MATN2: variants seen among roughly 807,000 people sequenced by gnomAD.
MATN2 encodes matrilin 2.
Under a neutral mutation model 103.2 loss-of-function variants are expected in MATN2, and 69 were observed. The observed-to-expected ratio is 0.67, with a 90% CI of 0.55 to 0.82. MATN2 has a LOEUF of 0.82. Among genes scored for constraint, MATN2 ranks in the 40% least tolerant of loss-of-function variants. MATN2 has a pLI of 0.00. For synonymous variants in MATN2, 429 were observed against 450.2 expected (o/e 0.95, Z 0.60); for missense variants, 1,023 against 1,211.5 (o/e 0.84, Z 2.31).
At chr8:98,023,941 C>T (rs1813692109) in intron 13 of MATN2, among the ~76,000 whole-genome samples, 1 of 152,106 alleles carries the variant, frequency 6.6e-6, no homozygotes, top group Non-Finnish European at 1.5e-5. Context: ...AACACAGAAA[C>T]AGAAAACCAA....
Position 97,926,233 on chromosome 8 carries a change from C to T in MATN2, c.143-4720C>T, listed in dbSNP as rs192216312. ...TGTCCTCCAACTGTGGCTGAAAACC[C>T]TGTCATGAGAGGCCAGAAGGAAGAT... On this transcript the variant is annotated intron_variant, in intron 2 of 18. Coordinates refer to ENST00000254898, the MANE Select transcript of MATN2 (RefSeq NM_002380.5). Among the ~76,000 whole-genome samples, 628 of 152,270 alleles carry T rather than the reference C, an allele frequency of 4.1e-3. 4 individuals carry two copies. The highest frequency in any genetic ancestry group is 0.014 in the African/African-American group (565 of 41,544).
At chr8:97,880,110 G>A (rs1406398107) in intron 1 of MATN2, among the ~76,000 whole-genome samples, 1 of 136,024 alleles carries the variant, frequency 7.4e-6, no homozygotes, top group African/African-American at 2.8e-5. Context: ...TTGAGACCAA[G>A]TCTTGCATTG....
chr8:97,969,648 A>G (rs1289957965), intron 5 of MATN2, among the ~76,000 whole-genome samples: 1 of 152,182 alleles, frequency 6.6e-6, no homozygotes, highest in Non-Finnish European at 1.5e-5. Flanking sequence ...ACATGATAGG[A>G]AGATAATTTC....
At chr8:97,911,035 C>T (rs113887007) in intron 2 of MATN2, among the ~76,000 whole-genome samples, 1 of 152,150 alleles carries the variant, frequency 6.6e-6, no homozygotes, top group African/African-American at 2.4e-5. Context: ...CTTGCCCATG[C>T]TGGAGTGCAA....
chr8:97,902,316 T>C (rs1819012549), intron 2 of MATN2, among the ~76,000 whole-genome samples: 1 of 151,026 alleles, frequency 6.6e-6, no homozygotes, highest in African/African-American at 2.4e-5. Context: ...GCCAACATGG[T>C]GAAACCCCGT....
intron 12 of MATN2, 54 bp from the exon 13 acceptor site, chr8:98,021,151 A>G: frequency 6.3e-7 from 1 of 1,578,302 alleles, no homozygotes; most frequent in South Asian, 1.1e-5. Flanking sequence ...TGACTATTCA[A>G]TTCACCTCAT....
chr8:97,888,953 C>G (rs910909639), intron 2 of MATN2, among the ~76,000 whole-genome samples: 2 of 152,068 alleles, frequency 1.3e-5, no homozygotes, highest in African/African-American at 4.8e-5. Flanking sequence ...GATATAACTT[C>G]CCTGAGGCTC....
chr8:97,881,628 C>T (rs1818256495), intron 1 of MATN2, among the ~76,000 whole-genome samples: 2 of 152,220 alleles, frequency 1.3e-5, no homozygotes, highest in African/African-American at 4.8e-5. Context: ...CTCTATTTCT[C>T]AGCACAGAAA....
At chr8:97,941,182 A>AAAAAAAAAAG (rs1810549683) in intron 3 of MATN2, among the ~76,000 whole-genome samples, 2 of 58,432 alleles carry the variant, frequency 3.4e-5, no homozygotes, top group African/African-American at 1.4e-4. Flanking sequence ...AAAAAAAAAA[A>AAAAAAAAAAG]AAAGAAAGAA....
chr8:98,003,246 C>A (rs766863568), intron 7 of MATN2, among the ~76,000 whole-genome samples: 2 of 152,162 alleles, frequency 1.3e-5, no homozygotes, highest in African/African-American at 4.8e-5. Flanking sequence ...TTGCTGTCCT[C>A]GAGTCCTCAT....
chr8:97,981,979 A>C (rs1812041850), intron 6 of MATN2, among the ~76,000 whole-genome samples: 2 of 152,240 alleles, frequency 1.3e-5, no homozygotes, highest in Non-Finnish European at 2.9e-5. Context: ...CCAGCTAGGC[A>C]GCGAGCCCAG....
rs767395079 is a variant in MATN2, at chr8:97,941,907, T to C, written c.835+8T>C. ...ATCAGACGACTTGCAGAAGTAAGAT[T>C]GCTTTGCTGATGTATTTGTGGTTTC... On this transcript the variant is annotated splice_region_variant and intron_variant, in intron 4 of 18. Coordinates refer to ENST00000254898, the MANE Select transcript of MATN2 (RefSeq NM_002380.5). 57 of 1,612,160 alleles carry C rather than the reference T, an allele frequency of 3.5e-5. No homozygotes were observed. The highest frequency in any genetic ancestry group is 4.8e-5 in the Non-Finnish European group (57 of 1,178,760).
chr8:97,931,091 C>T lies in MATN2; in HGVS notation c.281C>T (p.Thr94Ile), dbSNP rs750627206. The T allele has an allele frequency of 6.2e-7, 1 of 1,614,044 alleles. No homozygotes were observed. The highest frequency in any genetic ancestry group is 1.1e-5 in the South Asian group (1 of 91,086). Residue 94 changes from threonine (T) to isoleucine (I), a missense_variant, in exon 3 of 19, where the codon ACC (threonine) becomes ATC (isoleucine). Physicochemically the swap from Thr to Ile is moderately conservative, Grantham distance 89. Coordinates refer to ENST00000254898, the MANE Select transcript of MATN2 (RefSeq NM_002380.5). This position sits in a 1 kb window ranked among gnomAD's most constrained non-coding sequence, Gnocchi z 4.1. ...TTCTTGGACATTGGTCCTGATGTCACCCGAGTGGGCCTGCTCCAATATGGC... is the reference window on the plus strand; with the variant it reads ...TTCTTGGACATTGGTCCTGATGTCATCCGAGTGGGCCTGCTCCAATATGGC... ...LQFLDIGPDV[T>I]RVGLLQYGST...
chr8:97,885,468 C>T (rs1487100483), intron 1 of MATN2, among the ~76,000 whole-genome samples: 1 of 152,044 alleles, frequency 6.6e-6, no homozygotes, highest in Non-Finnish European at 1.5e-5. Context: ...CAGAGTGAGA[C>T]CCTGTCCTCC....
chr8:98,017,996 A>G lies in MATN2; in HGVS notation c.1699A>G (p.Lys567Glu), dbSNP rs767691551. Residue 567 changes from lysine (K) to glutamate (E), a missense_variant and splice_region_variant, in exon 12 of 19, where the codon AAA (lysine) becomes GAA (glutamate). Physicochemically the swap from Lys to Glu is moderately conservative, Grantham distance 56 (BLOSUM62 1). Transcript: ENST00000254898. ...LREDGKTCRRKDVCQAIDHGC... is the reference protein window; with the variant it reads ...LREDGKTCRREDVCQAIDHGC... ...GTAACTTGCTCTCCTGTCTTCAGGG[A>G]AAGATGTCTGCCAAGCTATAGACCA... is the stretch of plus-strand genomic sequence containing the variant. 7.8e-5 allele frequency: 126 copies of G among 1,613,298 alleles called. No individual in the cohort carries two copies. Among genetic ancestry groups the G allele is most frequent in the Non-Finnish European group, 7.5e-5 (89 of 1,179,572 alleles).
At chr8:97,921,106 C>T (rs1414737325) in intron 2 of MATN2, among the ~76,000 whole-genome samples, 1 of 152,150 alleles carries the variant, frequency 6.6e-6, no homozygotes, top group Non-Finnish European at 1.5e-5. Flanking sequence ...ACTCATTATT[C>T]CATCCCTCAG....
At chr8:98,024,135 G>A (rs1005644269) in intron 13 of MATN2, among the ~76,000 whole-genome samples, 19 of 152,138 alleles carry the variant, frequency 1.2e-4, no homozygotes, top group Non-Finnish European at 1.5e-4. Context: ...AACCACCATG[G>A]CACACATTTG....
At chr8:97,948,765 A>T (rs1311828401) in intron 4 of MATN2, among the ~76,000 whole-genome samples, 1 of 152,274 alleles carries the variant, frequency 6.6e-6, no homozygotes, top group Admixed American at 6.5e-5. Flanking sequence ...ATTAAATACC[A>T]TGATGAAATG....
At chr8:98,024,678 G>A (rs528988527) in intron 13 of MATN2, among the ~76,000 whole-genome samples, 2 of 152,262 alleles carry the variant, frequency 1.3e-5, no homozygotes, top group Admixed American at 1.3e-4. Flanking sequence ...GAGGATGTAA[G>A]CAACAGCAGG....
Sources: allele counts gnomAD v4.1 joint callset (sites outside exome capture counted in the v4.1 genomes callset), GRCh38; gene constraint gnomAD v4.1.1; non-coding constraint Gnocchi (gnomAD v3.1); transcripts MANE v1.5; gene names NCBI Gene and HGNC (gene_info 2026-07-23, HGNC 2026-07-21).